Variants in NPAS3 observed in about 807,000 individuals in gnomAD.
NPAS3 encodes neuronal PAS domain protein 3.
In NPAS3, 14 loss-of-function variants were observed where a neutral mutation model predicts 73.1. The ratio of observed to expected loss-of-function variants is 0.19; its 90% CI spans 0.13 to 0.30. NPAS3 has a LOEUF of 0.30. Ranked by LOEUF, NPAS3 falls within the 10% of genes least tolerant of loss-of-function variation. The pLI, the probability that NPAS3 is intolerant of heterozygous loss-of-function variation, is 1.00. For missense variants in NPAS3, 1,096 were observed against 1,250.0 expected, an observed-to-expected ratio of 0.88 and a Z score of 1.86; for synonymous variants, 620 against 541.5, an observed-to-expected ratio of 1.14 and a Z score of -2.01.
At chr14:32,990,895 C>T (rs867481621) in intron 1 of NPAS3, among the ~76,000 whole-genome samples, 1 of 151,712 alleles carries the variant, frequency 6.6e-6, no homozygotes, top group Non-Finnish European at 1.5e-5. Flanking sequence ...CCACTGCACT[C>T]CAGCTTGGGT....
intron 9 of NPAS3, chr14:33,780,876 G>T: frequency 1.6e-5 from 4 of 250,584 alleles, no homozygotes; most frequent in Non-Finnish European, 3.2e-5. Context: ...TTCAAATTCT[G>T]ATTTTTTTCA....
chr14:33,454,016 C>T (rs1238027581), intron 4 of NPAS3, among the ~76,000 whole-genome samples: 2 of 152,140 alleles, frequency 1.3e-5, no homozygotes, highest in African/African-American at 4.8e-5. Flanking sequence ...TTAAATTAAG[C>T]AACAACGAAG....
intron 6 of NPAS3, among the ~76,000 whole-genome samples, chr14:33,678,028 T>G (rs1207628098): frequency 6.6e-6 from 1 of 152,178 alleles, no homozygotes; most frequent in Non-Finnish European, 1.5e-5. Flanking sequence ...ATGAAAGAAT[T>G]TAAGTTTCTA....
intron 3 of NPAS3, among the ~76,000 whole-genome samples, chr14:33,255,647 G>C (rs1041842478): frequency 2.8e-4 from 42 of 152,230 alleles, no homozygotes; most frequent in African/African-American, 9.2e-4. Context: ...GACTCAGCCT[G>C]GTCTCACCCT....
Position 33,419,324 on chromosome 14 carries a change from G to C in NPAS3, c.468+52056G>C, listed in dbSNP as rs536873401. Among the ~76,000 whole-genome samples the C allele has an allele frequency of 2.0e-5, 3 of 151,858 alleles. No homozygotes were observed. In the East Asian group the frequency reaches 5.8e-4, roughly 30 times the overall value. On this transcript the variant is annotated intron_variant, in intron 4 of 11. Transcript: ENST00000356141. Reference sequence around the variant, plus strand: ...GATGTTATTTAGTTGCAATATATTAGTATAACATCAACGCATTTTTTTCAT... The same window carrying C: ...GATGTTATTTAGTTGCAATATATTACTATAACATCAACGCATTTTTTTCAT...
At chr14:33,679,103 C>G (rs2059857696) in intron 6 of NPAS3, among the ~76,000 whole-genome samples, 1 of 152,176 alleles carries the variant, frequency 6.6e-6, no homozygotes, top group Non-Finnish European at 1.5e-5. Context: ...TTTAGCCATC[C>G]TTGCTAGTGA....
chr14:33,198,762 A>G (rs897714367), intron 2 of NPAS3, among the ~76,000 whole-genome samples: 3 of 152,154 alleles, frequency 2.0e-5, no homozygotes, highest in Non-Finnish European at 4.4e-5. Context: ...CTTGGGTGGT[A>G]GATGGGACCG....
At chr14:33,577,014 C>T (rs936011784) in intron 5 of NPAS3, among the ~76,000 whole-genome samples, 1 of 152,164 alleles carries the variant, frequency 6.6e-6, no homozygotes, top group African/African-American at 2.4e-5. Flanking sequence ...CAGCAGGACC[C>T]AAGCTCTTCA....
chr14:33,487,711 G>A (rs964751014), intron 4 of NPAS3, among the ~76,000 whole-genome samples: 1 of 152,130 alleles, frequency 6.6e-6, no homozygotes, highest in African/African-American at 2.4e-5. Context: ...AGCAAAGTAA[G>A]CTTTTCGTGG....
intron 8 of NPAS3, among the ~76,000 whole-genome samples, chr14:33,777,517 A>G (rs929385770): frequency 2.0e-5 from 3 of 152,256 alleles, no homozygotes. Context: ...TGTCATTTCT[A>G]AAGATTTACT....
intron 6 of NPAS3, among the ~76,000 whole-genome samples, chr14:33,710,511 C>A (rs958521200): frequency 6.6e-6 from 1 of 152,172 alleles, no homozygotes; most frequent in African/African-American, 2.4e-5. Context: ...TCTATTAAGC[C>A]GAGGCCGCAT....
At chr14:33,057,119 C>A (rs1308488232) in intron 2 of NPAS3, among the ~76,000 whole-genome samples, 1 of 152,132 alleles carries the variant, frequency 6.6e-6, no homozygotes, top group Non-Finnish European at 1.5e-5. Flanking sequence ...CTGAAATAGA[C>A]ACAAAGTGGA....
intron 1 of NPAS3, among the ~76,000 whole-genome samples, chr14:32,993,831 T>C (rs1419146364): frequency 6.6e-6 from 1 of 152,236 alleles, no homozygotes; most frequent in Non-Finnish European, 1.5e-5. Context: ...GACCGATATA[T>C]CTTCATGGTT....
chr14:33,397,708 A>G (rs2047282315), intron 4 of NPAS3, among the ~76,000 whole-genome samples: 1 of 152,092 alleles, frequency 6.6e-6, no homozygotes, highest in Admixed American at 6.6e-5. Flanking sequence ...GGATGAGAAA[A>G]CCGATGTATG....
At chr14:33,295,080 G>C (rs1260901504) in intron 3 of NPAS3, among the ~76,000 whole-genome samples, 2 of 152,130 alleles carry the variant, frequency 1.3e-5, no homozygotes, top group African/African-American at 2.4e-5. Context: ...ATTTACAAAA[G>C]AATTTCAACC....
chr14:33,572,177 A>G (rs1373186376), intron 5 of NPAS3, among the ~76,000 whole-genome samples: 3 of 152,202 alleles, frequency 2.0e-5, no homozygotes, highest in Non-Finnish European at 4.4e-5. Context: ...ATTCAGAGGT[A>G]TTATTATTCT....
chr14:33,369,404 C>CAAAAAAAAAAAAAAAAAA (rs3058296), intron 4 of NPAS3, among the ~76,000 whole-genome samples: 8 of 90,940 alleles, frequency 8.8e-5, no homozygotes, highest in Non-Finnish European at 1.5e-4. Flanking sequence ...GCCTCATTTC[C>CAAAAAAAAAAAAAAAAAA]AAAAAAAAAA....
At chr14:32,936,693 G>A (rs1230460098), upstream of NPAS3, among the ~76,000 whole-genome samples, 1 of 152,072 alleles carries the variant, frequency 6.6e-6, no homozygotes, top group Non-Finnish European at 1.5e-5. Context: ...TATAAATTGG[G>A]CATAAAAGGG....
chr14:33,367,982 A>C (rs1203959348), intron 4 of NPAS3, among the ~76,000 whole-genome samples: 1 of 152,086 alleles, frequency 6.6e-6, no homozygotes, highest in Admixed American at 6.6e-5. Flanking sequence ...AACCATAGAT[A>C]ATTGTGCCAC....
Sources: allele counts gnomAD v4.1 joint callset (sites outside exome capture counted in the v4.1 genomes callset), GRCh38; gene constraint gnomAD v4.1.1; transcripts MANE v1.5; gene names NCBI Gene and HGNC (gene_info 2026-07-23, HGNC 2026-07-21).